The following SEC14L2 variants were observed in gnomAD, a reference collection of about 807,000 sequenced individuals.
SEC14L2 encodes SEC14-like protein 2.
A neutral mutation model predicts 56.9 loss-of-function variants in SEC14L2; 50 were observed. The observed-to-expected ratio is 0.88, with a 90% confidence interval of 0.70 to 1.11. The LOEUF (loss-of-function observed/expected upper bound fraction) is 1.11. Among genes scored for constraint, SEC14L2 ranks in the 50% most tolerant of loss-of-function variants. SEC14L2 has a pLI of 0.00. For missense variants in SEC14L2, 414 were observed against 500.7 expected (o/e 0.83, Z 1.65); for synonymous variants, 179 against 188.5 (o/e 0.95, Z 0.41).
At position 30,425,039 on chromosome 22, in the gene SEC14L2, T is replaced by C; in HGVS notation, c.*2632T>C. 1 of 347,544 alleles carries C rather than the reference T, an allele frequency of 2.9e-6. No homozygotes were observed. Among genetic ancestry groups the C allele is most frequent in the Non-Finnish European group, 5.7e-6 (1 of 175,664 alleles). The allele number at this position is 347,544 out of a possible 1,614,324, so 21.5% of individuals were successfully genotyped here. On this transcript the variant is annotated 3_prime_UTR_variant, in exon 12 of 12. Transcript: ENST00000615189. ...GTCCAGGCACCTACCTCCCAGGGGC[T>C]CACCGTTCACTCCTCTAGCCTCATT... is the stretch of plus-strand genomic sequence containing the variant.
rs375289136 is a variant in SEC14L2, at chr22:30,399,630, C to T, written c.55-13C>T. The T allele has an allele frequency of 2.5e-5, 41 of 1,609,634 alleles. No homozygotes were observed. The highest frequency in any genetic ancestry group is 3.4e-5 in the Non-Finnish European group (40 of 1,177,324). On this transcript the variant is annotated splice_polypyrimidine_tract_variant and intron_variant, in intron 1 of 11. Transcript: ENST00000615189. ...GCGGGCCCTACCACTCACCCCGATG[C>T]CTCTCCCTACAGTTTCGGGAGAATG...
intron 2 of SEC14L2, among the ~76,000 whole-genome samples, chr22:30,402,204 A>G (rs1933958451): frequency 6.6e-6 from 1 of 152,150 alleles, no homozygotes; most frequent in South Asian, 2.1e-4. Flanking sequence ...GCATTTGCTA[A>G]AGGGCTGCAG....
intron 2 of SEC14L2, among the ~76,000 whole-genome samples, chr22:30,401,697 ATC>A (rs1427037207): frequency 1.0e-5 from 1 of 97,376 alleles, no homozygotes; most frequent in Non-Finnish European, 2.0e-5. Context: ...TTTTTTTTGT[ATC>A]TTTAGTAGAG....
In SEC14L2 at chr22:30,407,257, A is replaced by G. The variant is rs1254451970; in HGVS notation, c.234+103A>G. ...TGGATCCTTAGAGGAAAGGTCTGAC[A>G]ATGCCCACTGAGCCCTGATGGTCTC... On this transcript the variant is annotated intron_variant, in intron 4 of 11. Coordinates refer to ENST00000615189, the MANE Select transcript of SEC14L2 (RefSeq NM_012429.5). 4 of 1,484,964 alleles carry G rather than the reference A, an allele frequency of 2.7e-6. No homozygotes were observed. The African/African-American group carries it at 5.5e-5, about 21-fold the overall frequency. 92.0% of individuals were successfully genotyped at this position (1,484,964 alleles called of 1,614,324 possible). A position where few individuals can be genotyped will look rare whatever the true frequency, so the allele number is the denominator to read the frequency against.
intron 2 of SEC14L2, among the ~76,000 whole-genome samples, chr22:30,403,920 G>A (rs1359274193): frequency 2.0e-5 from 3 of 150,332 alleles, no homozygotes; most frequent in East Asian, 2.0e-4. Context: ...GGAGAATGGC[G>A]TGAACCCGGG....
rs2034194547 is a variant in SEC14L2, at chr22:30,407,447, T to C, written c.267T>C (p.Cys89=). ...VIQQYLSGGM[C]GYDLDGCPVW... ...AACAGTATCTGTCAGGGGGTATGTG[T>C]GGCTATGACCTGGATGGCTGCCCAG... Residue 89 remains cysteine (C), a synonymous_variant, in exon 5 of 12, where the codon TGT becomes TGC. Coordinates refer to ENST00000615189, the MANE Select transcript of SEC14L2 (RefSeq NM_012429.5). 6.2e-7 allele frequency: 1 copy of C among 1,614,066 alleles called. No homozygotes were observed. The highest frequency in any genetic ancestry group is 1.1e-5 in the South Asian group (1 of 91,086).
At chr22:30,409,133 G>T in intron 5 of SEC14L2, 54 bp from the exon 6 acceptor site, 1 of 1,484,436 alleles carries the variant, frequency 6.7e-7, no homozygotes, top group Non-Finnish European at 9.4e-7. Context: ...GGACTGGAAC[G>T]GGCTTCTGAA....
At chr22:30,408,974 T>C (rs934757759) in intron 5 of SEC14L2, 1 of 644,556 alleles carries the variant, frequency 1.6e-6, no homozygotes, top group Admixed American at 2.2e-5. Context: ...AGTCATGTAC[T>C]GGAAAAGAAC....
intron 8 of SEC14L2, among the ~76,000 whole-genome samples, chr22:30,413,830 G>T (rs527691401): frequency 3.1e-4 from 47 of 151,240 alleles, no homozygotes. Flanking sequence ...TTAAATTTAG[G>T]TCCCCACAAA....
chr22:30,406,814 G>A lies in SEC14L2; in HGVS notation c.175-281G>A, dbSNP rs148571229. ...ACCCAGGCTGGAGTGCAGCAGTGGCGCGATCTCAGCTCACTGCAACCTCCG... is the reference window on the plus strand; with the variant it reads ...ACCCAGGCTGGAGTGCAGCAGTGGCACGATCTCAGCTCACTGCAACCTCCG... On this transcript the variant is annotated intron_variant, in intron 3 of 11. Transcript: ENST00000615189. Among the ~76,000 whole-genome samples, 250 of 152,218 alleles carry A rather than the reference G, an allele frequency of 1.6e-3. 1 individual carries two copies. The highest frequency in any genetic ancestry group is 5.4e-3 in the African/African-American group (225 of 41,506).
chr22:30,413,335 C>A (rs1312378965), intron 8 of SEC14L2, among the ~76,000 whole-genome samples: 2 of 152,136 alleles, frequency 1.3e-5, no homozygotes, highest in Non-Finnish European at 2.9e-5. Context: ...ACCCAAAACC[C>A]AGCAAAGAGG....
In SEC14L2 at chr22:30,415,936, C is replaced by T; in HGVS notation, c.772-12C>T. 1.2e-6 allele frequency: 2 copies of T among 1,614,158 alleles called. No homozygotes were observed. Among genetic ancestry groups the T allele is most frequent in the Non-Finnish European group, 1.7e-6 (2 of 1,180,004 alleles). On this transcript the variant is annotated splice_polypyrimidine_tract_variant and intron_variant, in intron 9 of 11. Coordinates refer to ENST00000615189, the MANE Select transcript of SEC14L2 (RefSeq NM_012429.5). The stretch of plus-strand genomic sequence containing the variant: ...AATGCACATTCCAGTTCACTCCATG[C>T]CATGCTTCTAGATCAACTACGGGGG...
intron 2 of SEC14L2, among the ~76,000 whole-genome samples, chr22:30,403,536 G>GC (rs1933998896): frequency 6.6e-6 from 1 of 152,228 alleles, no homozygotes; most frequent in Admixed American, 6.5e-5. Context: ...GCCTGGAGAG[G>GC]CCTCAAGCAG....
intron 5 of SEC14L2, chr22:30,408,910 C>CA: frequency 2.0e-6 from 1 of 494,230 alleles, no homozygotes. Flanking sequence ...AGGGGGAGGC[C>CA]ATCAGGCCAA....
intron 11 of SEC14L2, 25 bp from the exon 12 acceptor site, chr22:30,422,250 GTC>G: frequency 6.2e-7 from 1 of 1,613,398 alleles, no homozygotes; most frequent in Non-Finnish European, 8.5e-7. Context: ...CTGCCTGAAT[GTC>G]TGTCTGGTTT....
rs1305664033 is a variant in SEC14L2 at position 30,397,079 on chromosome 22, C to T, written c.-38C>T. ...CTCCATCAGCTGCCGCACCCGCCGC[C>T]TCCCGCCCCCAAACCCCATCCCCGC... On this transcript the variant is annotated 5_prime_UTR_variant, in exon 1 of 12. Transcript: ENST00000615189. The T allele has an allele frequency of 3.9e-6, 6 of 1,541,736 alleles. No homozygotes were observed. The highest frequency in any genetic ancestry group is 5.3e-6 in the Non-Finnish European group (6 of 1,140,360).
chr22:30,416,665 T>A, intron 11 of SEC14L2: 1 of 1,426,208 alleles, frequency 7.0e-7, no homozygotes, highest in Non-Finnish European at 9.1e-7. Flanking sequence ...ATCACAGGGG[T>A]TCAACACGTC....
intron 7 of SEC14L2, among the ~76,000 whole-genome samples, chr22:30,409,911 A>C (rs1439052863): frequency 6.8e-6 from 1 of 146,608 alleles, no homozygotes; most frequent in African/African-American, 2.6e-5. Context: ...AAAAAATAAA[A>C]ATAGGGCTAG....
chr22:30,417,406 C>T (rs1242345021), intron 11 of SEC14L2, among the ~76,000 whole-genome samples: 1 of 152,156 alleles, frequency 6.6e-6, no homozygotes, highest in African/African-American at 2.4e-5. Context: ...CCTTCAACAC[C>T]CACAATCAAA....
Sources: allele counts gnomAD v4.1 joint callset (sites outside exome capture counted in the v4.1 genomes callset), GRCh38; gene constraint gnomAD v4.1.1; transcripts MANE v1.5; gene names NCBI Gene and HGNC (gene_info 2026-07-23, HGNC 2026-07-21).